CCDC7: variants seen among roughly 807,000 people sequenced by gnomAD.
CCDC7 encodes the protein coiled-coil domain containing 7, also known as coiled-coil domain-containing protein 7.
In CCDC7, 183 loss-of-function variants were observed where a neutral mutation model predicts 196.9. That is an observed-to-expected ratio of 0.93 (90% CI 0.82 to 1.05). The LOEUF (loss-of-function observed/expected upper bound fraction) is 1.05, where lower values mean the gene tolerates loss of function less well. CCDC7 is among the 50% of genes least tolerant of loss of function. CCDC7 has a pLI of 0.00. For missense variants in CCDC7, 1,540 were observed against 1,482.2 expected, an observed-to-expected ratio of 1.04 and a Z score of -0.64; for synonymous variants, 525 against 484.6, an observed-to-expected ratio of 1.08 and a Z score of -1.10.
chr10:32,764,583 C>T (rs1034708124), intron 28 of CCDC7, among the ~76,000 whole-genome samples: 2 of 151,864 alleles, frequency 1.3e-5, no homozygotes, highest in South Asian at 4.2e-4. Flanking sequence ...GCAGAATTGC[C>T]GTGGTTTACT....
chr10:32,517,861 GA>G (rs536555434), intron 9 of CCDC7, 83 bp from the exon 11 acceptor site: 192 of 1,452,862 alleles, frequency 1.3e-4, no homozygotes, highest in Admixed American at 4.0e-4. Context: ...AATACCAAAA[GA>G]AAAAAAAAGA....
At chr10:32,559,706 A>G (rs1203976100) in intron 13 of CCDC7, among the ~76,000 whole-genome samples, 2 of 149,916 alleles carry the variant, frequency 1.3e-5, no homozygotes, top group Admixed American at 6.8e-5. Flanking sequence ...AGTAGATAAA[A>G]CCACAAAGAT....
At chr10:32,786,897 A>G (rs532357419) in intron 29 of CCDC7, among the ~76,000 whole-genome samples, 46 of 152,350 alleles carry the variant, frequency 3.0e-4, no homozygotes, top group Non-Finnish European at 5.9e-4. Flanking sequence ...AAAATAAACA[A>G]TATCCTTAGT....
At chr10:32,571,804 A>C in intron 15 of CCDC7, 55 bp from the exon 17 acceptor site, 8 of 1,455,042 alleles carry the variant, frequency 5.5e-6, no homozygotes, top group South Asian at 1.5e-5. Context: ...AAATGACTGT[A>C]AACATTTCAT....
intron 13 of CCDC7, among the ~76,000 whole-genome samples, chr10:32,554,939 A>G (rs2136411361): frequency 6.6e-6 from 1 of 152,338 alleles, no homozygotes; most frequent in East Asian, 1.9e-4. Context: ...GCTCCCACAA[A>G]TAAGTGAGAA....
chr10:32,744,373 G>GA (rs544931743), intron 28 of CCDC7, among the ~76,000 whole-genome samples: 13,462 of 125,206 alleles, frequency 0.11, 836 homozygotes, highest in East Asian at 0.35. Flanking sequence ...TCCTGCTGGT[G>GA]AAAAAAAAAA....
intron 25 of CCDC7, among the ~76,000 whole-genome samples, chr10:32,716,883 C>A (rs2081670862): frequency 6.6e-6 from 1 of 152,090 alleles, no homozygotes; most frequent in Non-Finnish European, 1.5e-5. Flanking sequence ...TACAGGAGCA[C>A]CCAGATTCAT....
intron 32 of CCDC7, among the ~76,000 whole-genome samples, chr10:32,832,075 T>G (rs1339852676): frequency 6.6e-6 from 1 of 152,154 alleles, no homozygotes; most frequent in Non-Finnish European, 1.5e-5. Context: ...TGATAGAAAT[T>G]TCCAGCTCCT....
upstream of CCDC7, among the ~76,000 whole-genome samples, chr10:32,445,721 C>T (rs2030770785): frequency 1.3e-5 from 2 of 152,190 alleles, no homozygotes; most frequent in South Asian, 4.1e-4. Context: ...TTTTGTTTTG[C>T]TTTTAAGATC....
intron 28 of CCDC7, among the ~76,000 whole-genome samples, chr10:32,730,914 A>G (rs2083856670): frequency 6.6e-6 from 1 of 152,072 alleles, no homozygotes; most frequent in Non-Finnish European, 1.5e-5. Flanking sequence ...ATTAAGCATA[A>G]TTTTGTTCAT....
intron 18 of CCDC7, among the ~76,000 whole-genome samples, chr10:32,596,331 G>A (rs2060349526): frequency 6.6e-6 from 1 of 152,110 alleles, no homozygotes. Flanking sequence ...TTTAAAGTCT[G>A]TTTTGTCAGA....
chr10:32,739,291 T>A (rs12247562), intron 28 of CCDC7, among the ~76,000 whole-genome samples: 2,838 of 152,176 alleles, frequency 0.019, 90 homozygotes, highest in African/African-American at 0.064. Flanking sequence ...CTTTTGTAAT[T>A]TTCCCAAAGA....
intron 8 of CCDC7, among the ~76,000 whole-genome samples, chr10:32,489,142 T>C (rs551586046): frequency 6.6e-6 from 1 of 152,336 alleles, no homozygotes; most frequent in South Asian, 2.1e-4. Flanking sequence ...GTGGTACTAA[T>C]GTCTGATGCA....
At chr10:32,771,695 A>C (rs1008614475) in intron 28 of CCDC7, among the ~76,000 whole-genome samples, 1 of 152,156 alleles carries the variant, frequency 6.6e-6, no homozygotes, top group African/African-American at 2.4e-5. Flanking sequence ...GGAGAGTCAC[A>C]TAGACTCTGT....
intron 21 of CCDC7, among the ~76,000 whole-genome samples, chr10:32,677,160 A>C (rs979936658): frequency 6.9e-6 from 1 of 145,140 alleles, no homozygotes; most frequent in Non-Finnish European, 1.5e-5. Flanking sequence ...GTGGGAATTG[A>C]ACAATGAGAA....
intron 8 of CCDC7, among the ~76,000 whole-genome samples, chr10:32,488,651 G>C (rs573121464): frequency 4.6e-5 from 7 of 152,256 alleles, no homozygotes; most frequent in African/African-American, 1.7e-4. Context: ...CAGAATTTCT[G>C]TATGGTTCTT....
chr10:32,618,476 G>A (rs544877119), intron 18 of CCDC7, among the ~76,000 whole-genome samples: 77 of 151,830 alleles, frequency 5.1e-4, no homozygotes, highest in Admixed American at 1.8e-3. Context: ...CAGCATTTTC[G>A]GCAAGACCAG....
In CCDC7 at chr10:32,831,471, CTT is replaced by C. The variant is rs150173125; in HGVS notation, c.3269-3341_3269-3340del. ...CTTACTGTAACTTTTTAACTATAAA[CTT>C]TTATTTTTTTAATTTTTGGACTCTT... On this transcript the variant is annotated intron_variant, in intron 32 of 41. Transcript: ENST00000639629. Among the ~76,000 whole-genome samples, 538 of 152,208 alleles carry C rather than the reference CTT, an allele frequency of 3.5e-3. 2 individuals are homozygous for C. Among genetic ancestry groups the C allele is most frequent in the African/African-American group, 0.012 (510 of 41,530 alleles).
intron 32 of CCDC7, among the ~76,000 whole-genome samples, chr10:32,826,801 G>A (rs1156344038): frequency 6.6e-6 from 1 of 152,348 alleles, no homozygotes; most frequent in East Asian, 1.9e-4. Context: ...AGCGGTGAAG[G>A]GAAATCTTCT....
Sources: allele counts gnomAD v4.1 joint callset (sites outside exome capture counted in the v4.1 genomes callset), GRCh38; gene constraint gnomAD v4.1.1; transcripts MANE v1.5; gene names NCBI Gene and HGNC (gene_info 2026-07-23, HGNC 2026-07-21).